Variants in GRIK1 observed in about 807,000 individuals in gnomAD.
GRIK1 encodes the protein glutamate receptor ionotropic, kainate 1.
In GRIK1, 69 loss-of-function variants were observed where a neutral mutation model predicts 105.7. That is an observed-to-expected ratio of 0.65 (90% CI 0.54 to 0.80). The LOEUF (loss-of-function observed/expected upper bound fraction) is 0.80, where lower values mean the gene tolerates loss of function less well. Ranked by LOEUF, GRIK1 falls within the 30% of genes least tolerant of loss-of-function variation. The pLI is 0.00. For synonymous variants in GRIK1, 438 were observed against 431.3 expected (o/e 1.02, Z -0.19); for missense variants, 1,109 against 1,167.3 (o/e 0.95, Z 0.73).
rs1223806133 is a variant in GRIK1 at position 29,560,397 on chromosome 21, C to CT, written c.2356+1226dup. Among the ~76,000 whole-genome samples, 605 of 88,940 alleles carry CT rather than the reference C, an allele frequency of 6.8e-3. 81 individuals are homozygous for CT. The highest frequency in any genetic ancestry group is 0.019 in the East Asian group (59 of 3,040). 58.3% of individuals were successfully genotyped at this position (88,940 alleles called of 152,430 possible). A position where few individuals can be genotyped will look rare whatever the true frequency, so the allele number is the denominator to read the frequency against. On this transcript the variant is annotated intron_variant, in intron 15 of 17. Coordinates refer to ENST00000327783, the MANE Select transcript of GRIK1 (RefSeq NM_001330994.2). ...CCTTCCTTCCTTCCTTCCTTCCTTC[C>CT]TTCCTTTCTTTCTTTCTTTCTTTCT...
intron 1 of GRIK1, among the ~76,000 whole-genome samples, chr21:29,803,935 T>A (rs1346612174): frequency 6.6e-6 from 1 of 152,074 alleles, no homozygotes; most frequent in Non-Finnish European, 1.5e-5. Context: ...TTCTCTTCTA[T>A]CATGGAATGT....
intron 1 of GRIK1, among the ~76,000 whole-genome samples, chr21:29,892,492 G>A (rs1463637836): frequency 6.6e-6 from 1 of 152,248 alleles, no homozygotes; most frequent in African/African-American, 2.4e-5. Context: ...AGTGATTGAT[G>A]TGACTAAAAC....
intron 1 of GRIK1, among the ~76,000 whole-genome samples, chr21:29,788,927 G>A (rs1165122826): frequency 2.0e-5 from 3 of 152,200 alleles, no homozygotes; most frequent in African/African-American, 7.2e-5. Flanking sequence ...TAATACAGAT[G>A]AAGTTTCACT....
intron 1 of GRIK1, among the ~76,000 whole-genome samples, chr21:29,877,686 A>T (rs1396725809): frequency 6.6e-6 from 1 of 152,170 alleles, no homozygotes; most frequent in Non-Finnish European, 1.5e-5. Flanking sequence ...TCAAGAGTTT[A>T]TTCTTAACAT....
chr21:29,821,051 A>G (rs2067288966), intron 1 of GRIK1, among the ~76,000 whole-genome samples: 1 of 133,546 alleles, frequency 7.5e-6, no homozygotes, highest in African/African-American at 2.6e-5. Flanking sequence ...CCCTCCCAAC[A>G]CACAGTAAAA....
At chr21:29,564,161 T>A (rs55905912) in intron 14 of GRIK1, among the ~76,000 whole-genome samples, 8,011 of 152,242 alleles carry the variant, frequency 0.053, 266 homozygotes, top group African/African-American at 0.07. Flanking sequence ...TTATTTATTT[T>A]TTTTGAGACG....
At chr21:29,691,938 T>G (rs1051171936) in intron 2 of GRIK1, among the ~76,000 whole-genome samples, 3 of 152,214 alleles carry the variant, frequency 2.0e-5, no homozygotes. Flanking sequence ...GTGCTGGAAG[T>G]GTAAACTGTC....
At chr21:29,761,946 C>T (rs1187735330) in intron 1 of GRIK1, among the ~76,000 whole-genome samples, 2 of 152,192 alleles carry the variant, frequency 1.3e-5, no homozygotes, top group African/African-American at 2.4e-5. Flanking sequence ...CAGGGTTTCA[C>T]CCTGTTGGCC....
chr21:29,868,807 G>T (rs557461368), intron 1 of GRIK1, among the ~76,000 whole-genome samples: 9 of 152,220 alleles, frequency 5.9e-5, no homozygotes, highest in African/African-American at 2.2e-4. Context: ...CAAGAAGGAA[G>T]ATATGGGAAA....
chr21:29,638,071 T>G (rs2062433111), intron 7 of GRIK1, among the ~76,000 whole-genome samples: 1 of 152,142 alleles, frequency 6.6e-6, no homozygotes, highest in Admixed American at 6.5e-5. Context: ...AAACATGCAG[T>G]GCTTATAATA....
rs76166682 is a variant in GRIK1, at chr21:29,936,661, C to T, written c.118+2722G>A. ...GACCTTCTCTGTCTCTTAACTGTTG[C>T]ATAAGATTATAAACTTTCCAACAGA... is the stretch of plus-strand genomic sequence containing the variant. On this transcript the variant is annotated intron_variant, in intron 1 of 17. Transcript: ENST00000327783. Among the ~76,000 whole-genome samples the T allele has an allele frequency of 2.9e-4, 44 of 152,276 alleles. No homozygotes were observed. The East Asian group carries it at 4.8e-3, about 17-fold the overall frequency.
intron 1 of GRIK1, among the ~76,000 whole-genome samples, chr21:29,724,561 A>G (rs1314695825): frequency 6.6e-6 from 1 of 152,258 alleles, no homozygotes; most frequent in East Asian, 1.9e-4. Flanking sequence ...AACGGATTCT[A>G]CAACTAAATA....
At chr21:29,813,101 A>G (rs1238083876) in intron 1 of GRIK1, among the ~76,000 whole-genome samples, 1 of 152,068 alleles carries the variant, frequency 6.6e-6, no homozygotes, top group African/African-American at 2.4e-5. Flanking sequence ...AGAGCATGCA[A>G]TACTCCTCTT....
intron 1 of GRIK1, among the ~76,000 whole-genome samples, chr21:29,851,141 G>A (rs954630294): frequency 6.6e-6 from 1 of 151,000 alleles, no homozygotes; most frequent in African/African-American, 2.4e-5. Context: ...TGCAACCTCC[G>A]CCTCCCAGGT....
intron 1 of GRIK1, among the ~76,000 whole-genome samples, chr21:29,848,468 A>T (rs548149851): frequency 6.6e-6 from 1 of 152,246 alleles, no homozygotes; most frequent in East Asian, 1.9e-4. Context: ...TGCTTATTAG[A>T]GTCTAAATCA....
At chr21:29,632,025 T>C (rs1264634596) in intron 7 of GRIK1, among the ~76,000 whole-genome samples, 4 of 152,098 alleles carry the variant, frequency 2.6e-5, no homozygotes, top group Non-Finnish European at 5.9e-5. Context: ...GCAGAAGGGA[T>C]TGGACAAGTA....
chr21:29,607,171 A>C (rs1006912480), intron 7 of GRIK1, among the ~76,000 whole-genome samples: 2 of 152,168 alleles, frequency 1.3e-5, no homozygotes, highest in Non-Finnish European at 2.9e-5. Flanking sequence ...ATGGTGATCT[A>C]TCAGCTAGAT....
At chr21:29,722,575 A>C (rs1285064682) in intron 1 of GRIK1, among the ~76,000 whole-genome samples, 15 of 150,442 alleles carry the variant, frequency 1.0e-4, no homozygotes, top group African/African-American at 3.0e-4. Flanking sequence ...TAAATAAATA[A>C]AAGTAAAAAA....
intron 1 of GRIK1, among the ~76,000 whole-genome samples, chr21:29,713,180 G>A (rs1037139618): frequency 7.9e-5 from 12 of 151,904 alleles, no homozygotes; most frequent in Non-Finnish European, 1.6e-4. Context: ...TAAGAGTGAA[G>A]GAGATGCAGA....
Sources: gnomAD v4.1 joint callset for allele counts (sites outside exome capture counted in the v4.1 genomes callset) on GRCh38, gnomAD v4.1.1 for gene constraint, MANE v1.5 for transcripts, NCBI Gene and HGNC (gene_info 2026-07-23, HGNC 2026-07-21) for gene names.